The following NEIL1 variants were observed in gnomAD, a reference collection of about 807,000 sequenced individuals.
The protein encoded by NEIL1 is nei like DNA glycosylase 1.
Under a neutral mutation model 44.2 loss-of-function variants are expected in NEIL1, and 31 were observed. The observed-to-expected ratio is 0.70, with a 90% CI of 0.53 to 0.95. The LOEUF is 0.95. Among genes scored for constraint, NEIL1 ranks in the 40% least tolerant of loss-of-function variants. The probability of loss-of-function intolerance (pLI) is 0.00; values close to 1 mark genes in which losing one functional copy is unlikely to be tolerated. For synonymous variants in NEIL1, 254 were observed against 209.7 expected, an observed-to-expected ratio of 1.21 and a Z score of -1.83; for missense variants, 549 against 515.5, an observed-to-expected ratio of 1.07 and a Z score of -0.63.
In NEIL1 at chr15:75,355,005, T is replaced by C. The variant is rs762969223; in HGVS notation, c.1144T>C (p.Leu382=). ...PRKVKADIPS[L]EPEGTSAS ...GAAGGTCAAGGCTGACATCCCATCC[T>C]TGGAACCAGAGGGGACCTCAGCCTC... The change falls in exon 10 of 10, where the codon TTG becomes CTG. Residue 382 remains leucine (L), a synonymous_variant. Coordinates refer to ENST00000355059, the MANE Select transcript of NEIL1 (RefSeq NM_024608.4). The C allele has an allele frequency of 1.2e-6, 2 of 1,613,940 alleles. No individual in the cohort carries two copies. Among genetic ancestry groups the C allele is most frequent in the Middle Eastern group, 1.6e-4 (1 of 6,084 alleles).
At chr15:75,352,578 G>A in intron 4 of NEIL1, 24 bp from the exon 5 acceptor site, 1 of 1,606,244 alleles carries the variant, frequency 6.2e-7, no homozygotes, top group Non-Finnish European at 8.5e-7. Flanking sequence ...TGACAGACAG[G>A]TCCTGCCCCT....
chr15:75,347,728 C>A, intron 1 of NEIL1: 1 of 916,488 alleles, frequency 1.1e-6, no homozygotes, highest in Non-Finnish European at 1.4e-6. Context: ...AGAAGATGAG[C>A]TTTGGGGGGC....
chr15:75,350,130 C>A (rs2071768246), intron 2 of NEIL1, among the ~76,000 whole-genome samples: 1 of 152,256 alleles, frequency 6.6e-6, no homozygotes, highest in Admixed American at 6.5e-5. Flanking sequence ...TCCTCTGCGC[C>A]ACTTCCCTGC....
intron 2 of NEIL1, among the ~76,000 whole-genome samples, chr15:75,350,010 G>A (rs966471094): frequency 6.6e-6 from 1 of 152,212 alleles, no homozygotes; most frequent in Non-Finnish European, 1.5e-5. Flanking sequence ...GTGAGGCTGA[G>A]CGGAATTGTT....
rs2072116481 is a variant in NEIL1 at position 75,353,759 on chromosome 15, G to C, written c.739G>C (p.Glu247Gln). 5.6e-6 allele frequency: 9 copies of C among 1,614,072 alleles called. No homozygotes were observed. The highest frequency in any genetic ancestry group is 7.6e-6 in the Non-Finnish European group (9 of 1,180,018). The change falls in exon 6 of 10, where the codon GAG (glutamate) becomes CAG (glutamine). Residue 247 changes from glutamate (E) to glutamine (Q), a missense_variant. Physicochemically the swap from Glu to Gln is conservative, Grantham distance 29 (BLOSUM62 2). Transcript: ENST00000355059. ...CACAGGGGGCAAAGGCTACGGGTCA[G>C]AGAGCGGGGAGGAGGACTTTGCTGC... ...VQLGGKGYGS[E>Q]SGEEDFAAFR... is the part of the protein sequence containing the mutation.
In NEIL1 at chr15:75,355,833, C is replaced by T. The variant is rs1406471412; in HGVS notation, c.*799C>T. On this transcript the variant is annotated 3_prime_UTR_variant, in exon 10 of 10. Transcript: ENST00000355059. ...TTATTCCACAAGAAAAGACTGATCC[C>T]TGCTTTAGGCTGGGGAAGCAGAAAT... The T allele has an allele frequency of 6.3e-7, 1 of 1,575,470 alleles. No homozygotes were observed. The highest frequency in any genetic ancestry group is 1.1e-5 in the South Asian group (1 of 88,698).
chr15:75,348,395 G>T, intron 1 of NEIL1: 1 of 986,488 alleles, frequency 1.0e-6, no homozygotes, highest in Non-Finnish European at 1.2e-6. Context: ...GGGAGGGGCG[G>T]CCACGCGATC....
At chr15:75,351,564 C>T (rs1356959317) in intron 2 of NEIL1, among the ~76,000 whole-genome samples, 1 of 152,088 alleles carries the variant, frequency 6.6e-6, no homozygotes, top group Non-Finnish European at 1.5e-5. Context: ...AGCCACCACA[C>T]CAGCCTCAAG....
chr15:75,347,714 A>C, intron 1 of NEIL1: 1 of 759,184 alleles, frequency 1.3e-6, no homozygotes, highest in Non-Finnish European at 1.7e-6. Context: ...CTGTAGGGCT[A>C]AGGAGAAGAT....
In NEIL1 at chr15:75,355,731, CCA is replaced by C; in HGVS notation, c.*698_*699del. On this transcript the variant is annotated 3_prime_UTR_variant, in exon 10 of 10. Transcript: ENST00000355059. ...CAAATACCTGGGAAGCCATCCCACC[CCA>C]GACTTCCCACCCCCACCCCAAGCGT... The C allele has an allele frequency of 6.6e-6, 4 of 606,378 alleles. No homozygotes were observed. Among genetic ancestry groups the C allele is most frequent in the Non-Finnish European group, 1.1e-5 (4 of 367,464 alleles). 37.6% of individuals were successfully genotyped at this position (606,378 alleles called of 1,614,324 possible). A position where few individuals can be genotyped will look rare whatever the true frequency, so the allele number is the denominator to read the frequency against.
At chr15:75,348,206 T>C in intron 1 of NEIL1, 4 of 738,100 alleles carry the variant, frequency 5.4e-6, no homozygotes, top group Non-Finnish European at 6.6e-6. Context: ...GCCCCTGCCC[T>C]GACCCGGGGG....
intron 4 of NEIL1, 96 bp downstream of exon 4, chr15:75,352,483 T>C: frequency 1.3e-6 from 2 of 1,560,230 alleles, no homozygotes; most frequent in Non-Finnish European, 1.8e-6. Context: ...CCAGCTTAGC[T>C]CAACAACAGG....
chr15:75,347,783 G>A (rs2071552027), intron 1 of NEIL1: 1 of 1,116,996 alleles, frequency 9.0e-7, no homozygotes, highest in African/African-American at 1.7e-5. Context: ...CAGGGTCGCA[G>A]CGGGGGCATG....
rs757226125 is a variant in NEIL1 at position 75,352,182 on chromosome 15, G to A, written c.506G>A (p.Arg169Lys). ...ATCTGCGAGGCCCTCCTGGACCAGA[G>A]GTTCTTCAATGGCATTGGCAACTAT... ...RPICEALLDQRFFNGIGNYLR... is the reference protein window; with the variant it reads ...RPICEALLDQKFFNGIGNYLR... The change falls in exon 3 of 10, where the codon AGG (arginine) becomes AAG (lysine). Residue 169 changes from arginine to lysine, a missense_variant. Arg to Lys is a conservative substitution (Grantham distance 26). Transcript: ENST00000355059. 8.1e-6 allele frequency: 13 copies of A among 1,614,124 alleles called. No homozygotes were observed. Among genetic ancestry groups the A allele is most frequent in the South Asian group, 1.1e-5 (1 of 91,088 alleles).
chr15:75,356,573 CT>C lies in NEIL1; in HGVS notation c.*1540del, dbSNP rs2072308700. ...GGGAAGGGCAGAGAGGTGTCTAGGG[CT>C]GCAGGAAGGCCCCACCGTCCCCAGC... On this transcript the variant is annotated 3_prime_UTR_variant, in exon 10 of 10. Coordinates refer to ENST00000355059, the MANE Select transcript of NEIL1 (RefSeq NM_024608.4). This position sits in a 1 kb window ranked among gnomAD's most constrained non-coding sequence, Gnocchi z 5.8. 2 of 1,551,534 alleles carry C rather than the reference CT, an allele frequency of 1.3e-6. No individual in the cohort carries two copies. Among genetic ancestry groups the C allele is most frequent in the East Asian group, 4.8e-5 (2 of 41,646 alleles).
chr15:75,347,588 G>C (rs906769618), intron 1 of NEIL1, 115 bp downstream of exon 1: 1 of 159,656 alleles, frequency 6.3e-6, no homozygotes, highest in African/African-American at 2.4e-5. Context: ...CTCCCAGCGC[G>C]CTCCCGGGCA....
At chr15:75,348,622 C>G in intron 1 of NEIL1, 3 of 1,350,364 alleles carry the variant, frequency 2.2e-6, no homozygotes, top group Non-Finnish European at 2.9e-6. Flanking sequence ...CGTCTAAACG[C>G]GGTGGAAGCC....
chr15:75,353,543 C>A, intron 5 of NEIL1, 196 bp from the exon 6 acceptor site: 2 of 723,624 alleles, frequency 2.8e-6, no homozygotes, highest in Non-Finnish European at 5.2e-6. Context: ...GATTCTTAAT[C>A]CCACTCCAGG....
Position 75,352,209 on chromosome 15 carries a change from T to C in NEIL1, c.533T>C (p.Leu178Pro), listed in dbSNP as rs1221525692. 3 of 1,614,248 alleles carry C rather than the reference T, an allele frequency of 1.9e-6. No homozygotes were observed. The Admixed American group carries it at 5.0e-5, about 27-fold the overall frequency. ...TTCTTCAATGGCATTGGCAACTATC[T>C]GCGGGCAGAGATCCTGTACCGGTCA... ...QRFFNGIGNY[L>P]RAEILYRLKI... The change falls in exon 3 of 10, where the codon CTG becomes CCG. Residue 178 changes from leucine to proline, a missense_variant. Coordinates refer to ENST00000355059, the MANE Select transcript of NEIL1 (RefSeq NM_024608.4).
Sources: gnomAD v4.1 joint callset for allele counts (sites outside exome capture counted in the v4.1 genomes callset) on GRCh38, gnomAD v4.1.1 for gene constraint, Gnocchi (gnomAD v3.1) non-coding constraint, MANE v1.5 for transcripts, NCBI Gene and HGNC (gene_info 2026-07-23, HGNC 2026-07-21) for gene names.